The following SLC6A3 variants were observed in gnomAD, a reference collection of about 807,000 sequenced individuals.
The protein encoded by SLC6A3 is solute carrier family 6 member 3, also known as sodium-dependent dopamine transporter.
In SLC6A3, 19 loss-of-function variants were observed where a neutral mutation model predicts 70.4. That is an observed-to-expected ratio of 0.27 (90% CI 0.19 to 0.40). SLC6A3 has a LOEUF of 0.40. Among genes scored for constraint, SLC6A3 ranks in the 10% least tolerant of loss-of-function variants. The probability of loss-of-function intolerance (pLI) is 1.00; values close to 1 mark genes in which losing one functional copy is unlikely to be tolerated. For missense variants in SLC6A3, 613 were observed against 838.5 expected, an observed-to-expected ratio of 0.73 and a Z score of 3.32; for synonymous variants, 368 against 356.6, an observed-to-expected ratio of 1.03 and a Z score of -0.36.
At chr5:1,425,588 G>A (rs1756558658) in intron 4 of SLC6A3, among the ~76,000 whole-genome samples, 1 of 152,156 alleles carries the variant, frequency 6.6e-6, no homozygotes, top group African/African-American at 2.4e-5. Flanking sequence ...ACTCTTGGAA[G>A]AGAACATAGG....
rs1178290256 is a variant in SLC6A3 at position 1,394,586 on chromosome 5, A to G, written c.*149T>C. ...ACGGAAAGGTGTAAACAGTCAGAAG[A>G]GAGGAGTCTTCTGCTTTGTTGTTTG... On this transcript the variant is annotated 3_prime_UTR_variant, in exon 15 of 15. Coordinates refer to ENST00000270349, the MANE Select transcript of SLC6A3 (RefSeq NM_001044.5). This position sits in a 1 kb window ranked among gnomAD's most constrained non-coding sequence, Gnocchi z 4.7. The G allele has an allele frequency of 2.5e-6, 2 of 814,464 alleles. No homozygotes were observed. The highest frequency in any genetic ancestry group is 1.7e-5 in the African/African-American group (1 of 59,788). 50.5% of individuals were successfully genotyped at this position (814,464 alleles called of 1,614,324 possible).
intron 7 of SLC6A3, among the ~76,000 whole-genome samples, chr5:1,415,664 G>A (rs1039731435): frequency 6.6e-6 from 1 of 152,196 alleles, no homozygotes; most frequent in Non-Finnish European, 1.5e-5. Flanking sequence ...GGCTTCAGGT[G>A]CCTGCCAGTA....
chr5:1,409,596 G>A, intron 10 of SLC6A3, 125 bp downstream of exon 10: 1 of 1,096,214 alleles, frequency 9.1e-7, no homozygotes, highest in Non-Finnish European at 1.4e-6. Context: ...TTCTGGGGTG[G>A]GTGGGTTCGC....
intron 3 of SLC6A3, among the ~76,000 whole-genome samples, chr5:1,440,641 G>A (rs1203958340): frequency 2.0e-5 from 3 of 152,196 alleles, no homozygotes; most frequent in Admixed American, 6.5e-5. Flanking sequence ...GGTCATTAGG[G>A]TGTCCCTAAT....
Position 1,402,901 on chromosome 5 carries a change from G to T in SLC6A3, c.1767+21C>A, listed in dbSNP as rs1437732583. ...CTGGTGGCCTCACACTCGGGTGAAG[G>T]CGCCCCGTCCAAATACCCACCTCTC... On this transcript the variant is annotated intron_variant, in intron 13 of 14. Coordinates refer to ENST00000270349, the MANE Select transcript of SLC6A3 (RefSeq NM_001044.5). This position sits in a 1 kb window ranked among gnomAD's most constrained non-coding sequence, Gnocchi z 8.5. The T allele has an allele frequency of 1.9e-6, 3 of 1,611,640 alleles. No homozygotes were observed. Among genetic ancestry groups the T allele is most frequent in the African/African-American group, 1.3e-5 (1 of 74,962 alleles).
At position 1,397,744 on chromosome 5, in the gene SLC6A3, T is replaced by A. The variant is rs111513095; in HGVS notation, c.1840-2986A>T. On this transcript the variant is annotated intron_variant, in intron 14 of 14. Coordinates refer to ENST00000270349, the MANE Select transcript of SLC6A3 (RefSeq NM_001044.5). This position sits in a 1 kb window ranked among gnomAD's most constrained non-coding sequence, Gnocchi z 4.7. ...TTAGCAAGAGACCTCCTCAAAGGAA[T>A]GTCTGAAGGATGCTTTTTGAAAAGC... 1.7e-3 allele frequency among the ~76,000 whole-genome samples: 257 copies of A among 152,308 alleles called. No homozygotes were observed. The highest frequency in any genetic ancestry group is 6.0e-3 in the South Asian group (29 of 4,824).
At position 1,397,554 on chromosome 5, in the gene SLC6A3, C is replaced by A. The variant is rs1264986572; in HGVS notation, c.1840-2796G>T. On this transcript the variant is annotated intron_variant, in intron 14 of 14. Coordinates refer to ENST00000270349, the MANE Select transcript of SLC6A3 (RefSeq NM_001044.5). The surrounding 1 kb of genome is among the most constrained non-coding windows in gnomAD (Gnocchi z 4.7). Reference sequence around the variant, plus strand: ...AGTGCAGGGGTGAGGACAGAGCCCACCACAGAGCAGGCTCACAGGCCACAC... The same window carrying A: ...AGTGCAGGGGTGAGGACAGAGCCCAACACAGAGCAGGCTCACAGGCCACAC... Among the ~76,000 whole-genome samples the A allele has an allele frequency of 1.3e-5, 2 of 152,210 alleles. No individual in the cohort carries two copies. Among genetic ancestry groups the A allele is most frequent in the Non-Finnish European group, 2.9e-5 (2 of 68,050 alleles).
intron 1 of SLC6A3, among the ~76,000 whole-genome samples, chr5:1,443,746 A>G (rs894851208): frequency 4.6e-5 from 7 of 151,910 alleles, no homozygotes; most frequent in African/African-American, 1.7e-4. Flanking sequence ...ATTACAACTC[A>G]CTGCCTCAAC....
At position 1,403,048 on chromosome 5, in the gene SLC6A3, G is replaced by C. The variant is rs140639546; in HGVS notation, c.1641C>G (p.His547Gln). The change falls in exon 13 of 15, where the codon CAC (histidine) becomes CAG (glutamine). Residue 547 changes from histidine (H) to glutamine (Q), a missense_variant. This residue lies in a region of SLC6A3 where 348 missense variants were observed against 481.2 expected (regional missense o/e 0.72). Transcript: ENST00000270349. ...AGTCGGGGAAGATGTAGGCTCCGTA[G>C]TGGGGGGGTCTGAAGGTCACAATGC... ...VVSIVTFRPP[H>Q]YGAYIFPDWA... The C allele has an allele frequency of 1.1e-5, 17 of 1,613,872 alleles. No individual in the cohort carries two copies. In the African/African-American group the frequency reaches 2.1e-4, roughly 20 times the overall value.
chr5:1,425,833 C>T (rs1756563059), intron 4 of SLC6A3, among the ~76,000 whole-genome samples: 1 of 151,952 alleles, frequency 6.6e-6, no homozygotes, highest in African/African-American at 2.4e-5. Flanking sequence ...AACTGACAGC[C>T]CAATTCAAAA....
rs1468730608 is a variant in SLC6A3 at position 1,405,718 on chromosome 5, T to C, written c.1599+470A>G. On this transcript the variant is annotated intron_variant, in intron 12 of 14. Transcript: ENST00000270349. The surrounding 1 kb of genome is among the most constrained non-coding windows in gnomAD (Gnocchi z 5.3). ...GTGGCGGATGACAGAAGCAAGTGCC[T>C]ACTGGACACAGTGATGCTGCTGAGC... Among the ~76,000 whole-genome samples the C allele has an allele frequency of 2.6e-5, 4 of 152,234 alleles. No individual in the cohort carries two copies. The highest frequency in any genetic ancestry group is 9.6e-5 in the African/African-American group (4 of 41,466).
At chr5:1,422,572 C>T (rs1224359875) in intron 4 of SLC6A3, among the ~76,000 whole-genome samples, 2 of 138,908 alleles carry the variant, frequency 1.4e-5, no homozygotes, top group Non-Finnish European at 3.1e-5. Context: ...ACAGTGCTGC[C>T]CACGCTGCTG....
At chr5:1,415,755 C>G (rs1468266388) in intron 7 of SLC6A3, among the ~76,000 whole-genome samples, 1 of 152,064 alleles carries the variant, frequency 6.6e-6, no homozygotes, top group Non-Finnish European at 1.5e-5. Flanking sequence ...AGGACAGAGA[C>G]CCCCCGGGGC....
chr5:1,417,095 C>T (rs1027523203), intron 6 of SLC6A3, among the ~76,000 whole-genome samples: 35 of 152,006 alleles, frequency 2.3e-4, no homozygotes, highest in African/African-American at 8.2e-4. Context: ...GAGTGTGTCC[C>T]CCCATCCCAT....
At chr5:1,441,639 G>T in intron 2 of SLC6A3, 149 bp from the exon 3 acceptor site, 1 of 863,194 alleles carries the variant, frequency 1.2e-6, no homozygotes, top group Non-Finnish European at 1.7e-6. Flanking sequence ...GGCTAGGGTA[G>T]ATGAGTCCCG....
At chr5:1,434,405 T>C (rs533380044) in intron 3 of SLC6A3, among the ~76,000 whole-genome samples, 11 of 152,360 alleles carry the variant, frequency 7.2e-5, no homozygotes, top group African/African-American at 2.4e-4. Flanking sequence ...AGAGTGTCCT[T>C]TCCAGGATCA....
chr5:1,403,680 A>C (rs1755905440), intron 12 of SLC6A3, among the ~76,000 whole-genome samples: 1 of 152,024 alleles, frequency 6.6e-6, no homozygotes. Flanking sequence ...ACTGTGACCC[A>C]TGCGGGACCA....
rs540862545 is a variant in SLC6A3 at position 1,437,584 on chromosome 5, C to T, written c.418+3775G>A. ...CCAGAGGCCCCTCTGGCTGTGGTGC[C>T]CATCCCAAGCTGCTCTGGTGAGACT... On this transcript the variant is annotated intron_variant, in intron 3 of 14. Coordinates refer to ENST00000270349, the MANE Select transcript of SLC6A3 (RefSeq NM_001044.5). The surrounding 1 kb of genome is among the most constrained non-coding windows in gnomAD (Gnocchi z 4.8). Among the ~76,000 whole-genome samples the T allele has an allele frequency of 1.3e-3, 192 of 152,368 alleles. 1 individual carries two copies. Among genetic ancestry groups the T allele is most frequent in the African/African-American group, 4.4e-3 (183 of 41,598 alleles).
intron 7 of SLC6A3, among the ~76,000 whole-genome samples, chr5:1,415,177 G>T (rs565961028): frequency 2.6e-4 from 40 of 152,170 alleles, no homozygotes; most frequent in African/African-American, 8.9e-4. Context: ...TGACTGGGCG[G>T]GTCTCATGGG....
Sources: gnomAD v4.1 joint callset for allele counts (sites outside exome capture counted in the v4.1 genomes callset) on GRCh38, gnomAD v4.1.1 for gene constraint, gnomAD v4.1.1 regional missense constraint, Gnocchi (gnomAD v3.1) non-coding constraint, MANE v1.5 for transcripts, NCBI Gene and HGNC (gene_info 2026-07-23, HGNC 2026-07-21) for gene names.